Variants in ABL2 observed in about 807,000 individuals in gnomAD.
ABL2 encodes the protein ABL proto-oncogene 2, non-receptor tyrosine kinase, also known as tyrosine-protein kinase ABL2.
A neutral mutation model predicts 107.7 loss-of-function variants in ABL2; 49 were observed. The observed-to-expected ratio is 0.45, with a 90% confidence interval of 0.36 to 0.58. ABL2 has a LOEUF of 0.58. ABL2 is among the 20% of genes least tolerant of loss of function. The pLI, the probability that ABL2 is intolerant of heterozygous loss-of-function variation, is 0.00. For missense variants in ABL2, 1,245 were observed against 1,457.0 expected (o/e 0.85, Z 2.37); for synonymous variants, 549 against 548.6 (o/e 1.00, Z -0.01).
At position 179,109,027 on chromosome 1, in the gene ABL2, C is replaced by T. The variant is rs1446189705; in HGVS notation, c.2240G>A (p.Gly747Asp). The change falls in exon 12 of 12, where the codon GGC becomes GAC. Residue 747 changes from glycine (G) to aspartate (D), a missense_variant. Coordinates refer to ENST00000502732, the MANE Select transcript of ABL2 (RefSeq NM_007314.4). ...GSGTAGGGWS[G>D]ITGFFTPRLI... ...GCGTGGTGTAAAGAAGCCTGTGATGCCAGACCACCCACCCCCAGCAGTGCC... is the reference window on the plus strand; with the variant it reads ...GCGTGGTGTAAAGAAGCCTGTGATGTCAGACCACCCACCCCCAGCAGTGCC... 3.1e-6 allele frequency: 5 copies of T among 1,612,876 alleles called. No homozygotes were observed. Among genetic ancestry groups the T allele is most frequent in the Non-Finnish European group, 3.4e-6 (4 of 1,179,960 alleles).
At chr1:179,124,279 T>C (rs1252325584) in intron 4 of ABL2, among the ~76,000 whole-genome samples, 2 of 151,502 alleles carry the variant, frequency 1.3e-5, no homozygotes, top group African/African-American at 4.8e-5. Context: ...TTTTAGTGTA[T>C]AAAGTATCAA....
chr1:179,113,483 A>G (rs1323713697), intron 9 of ABL2, among the ~76,000 whole-genome samples: 1 of 152,248 alleles, frequency 6.6e-6, no homozygotes, highest in Non-Finnish European at 1.5e-5. Flanking sequence ...ATGAGGAAAC[A>G]ACACAGACTT....
chr1:179,108,162 T>C lies in ABL2; in HGVS notation c.3105A>G (p.Lys1035=), dbSNP rs1399111512. The change falls in exon 12 of 12, where the codon AAA becomes AAG. Residue 1035 remains lysine, a synonymous_variant. Coordinates refer to ENST00000502732, the MANE Select transcript of ABL2 (RefSeq NM_007314.4). The part of the protein sequence containing the change: ...AALGAVPISG[K]AGRPVMPPPQ... ...GTGGAGGCATCACTGGCCTCCCAGC[T>C]TTCCCACTGATGGGCACTGCGCCCA... 2 of 1,614,122 alleles carry C rather than the reference T, an allele frequency of 1.2e-6. No homozygotes were observed. Among genetic ancestry groups the C allele is most frequent in the Admixed American group, 1.7e-5 (1 of 60,014 alleles).
intron 1 of ABL2, among the ~76,000 whole-genome samples, chr1:179,141,653 T>C (rs774377603): frequency 5.9e-5 from 9 of 152,236 alleles, no homozygotes; most frequent in Admixed American, 1.3e-4. Context: ...CGTCTCTGGT[T>C]TTACGGTCTT....
At chr1:179,151,826 T>TCACAAACC (rs1427523215) in intron 1 of ABL2, among the ~76,000 whole-genome samples, 2 of 152,170 alleles carry the variant, frequency 1.3e-5, no homozygotes, top group Non-Finnish European at 2.9e-5. Context: ...CTTTGGAGGA[T>TCACAAACC]CACAAACCAT....
At chr1:179,130,535 T>A (rs1214454347) in intron 3 of ABL2, among the ~76,000 whole-genome samples, 1 of 152,212 alleles carries the variant, frequency 6.6e-6, no homozygotes, top group African/African-American at 2.4e-5. Context: ...CATTTTTGAG[T>A]AGCACTGGCC....
chr1:179,178,365 G>A (rs1174384489), intron 1 of ABL2, among the ~76,000 whole-genome samples: 1 of 133,070 alleles, frequency 7.5e-6, no homozygotes, highest in African/African-American at 2.7e-5. Flanking sequence ...TCCCGCCACT[G>A]CATTCCAGAC....
chr1:179,124,900 G>C (rs534348391), intron 4 of ABL2, among the ~76,000 whole-genome samples: 3 of 152,136 alleles, frequency 2.0e-5, no homozygotes, highest in Non-Finnish European at 4.4e-5. Context: ...ACCATTTCAT[G>C]GTTTTTAGCA....
At chr1:179,148,913 A>C (rs199902251) in intron 1 of ABL2, among the ~76,000 whole-genome samples, 4 of 94,186 alleles carry the variant, frequency 4.2e-5, no homozygotes, top group African/African-American at 1.1e-4. Context: ...AAAAAAAAAA[A>C]GGAAAAAAAA....
At chr1:179,153,511 C>T (rs1379822531) in intron 1 of ABL2, among the ~76,000 whole-genome samples, 1 of 152,182 alleles carries the variant, frequency 6.6e-6, no homozygotes, top group Non-Finnish European at 1.5e-5. Flanking sequence ...TGTAATCCAA[C>T]CCATCGTCAA....
intron 1 of ABL2, among the ~76,000 whole-genome samples, chr1:179,167,860 A>T (rs1659480794): frequency 6.6e-6 from 1 of 152,196 alleles, no homozygotes; most frequent in South Asian, 2.1e-4. Context: ...AGGCGCCAGT[A>T]ATCCCAGCTA....
At position 179,160,795 on chromosome 1, in the gene ABL2, T is replaced by G. The variant is rs563576699; in HGVS notation, c.158-27421A>C. Among the ~76,000 whole-genome samples, 2 of 152,324 alleles carry G rather than the reference T, an allele frequency of 1.3e-5. 1 individual carries two copies. The highest frequency in any genetic ancestry group is 3.8e-4 in the East Asian group (2 of 5,196). ...TGACATTTGGAGCCAAATAATTCTGTGTGGCGAGGCAGTGGGGGACATGAA... is the reference window on the plus strand; with the variant it reads ...TGACATTTGGAGCCAAATAATTCTGGGTGGCGAGGCAGTGGGGGACATGAA... On this transcript the variant is annotated intron_variant, in intron 1 of 11. Transcript: ENST00000502732.
At chr1:179,170,627 GCT>G (rs1557972002) in intron 1 of ABL2, among the ~76,000 whole-genome samples, 1 of 151,756 alleles carries the variant, frequency 6.6e-6, no homozygotes, top group Admixed American at 6.6e-5. Context: ...AGGGAGTCTC[GCT>G]CTGTCACCCA....
intron 3 of ABL2, among the ~76,000 whole-genome samples, chr1:179,129,047 T>C (rs1342730863): frequency 2.0e-5 from 3 of 152,310 alleles, no homozygotes; most frequent in East Asian, 3.9e-4. Context: ...ACTAAAGTGT[T>C]GCTTTATTTT....
chr1:179,152,123 T>C (rs1048610896), intron 1 of ABL2, among the ~76,000 whole-genome samples: 3 of 152,164 alleles, frequency 2.0e-5, no homozygotes, highest in Admixed American at 6.5e-5. Context: ...GGTAGGCTAA[T>C]AATTAACACT....
chr1:179,229,276 G>A lies in ABL2; in HGVS notation c.122C>T (p.Thr41Ile). The change falls in exon 1 of 12, where the codon ACC becomes ATC. Residue 41 changes from threonine to isoleucine, a missense_variant. This residue lies in a region of ABL2 where 164 missense variants were observed against 143.7 expected (regional missense o/e 1.14). Coordinates refer to ENST00000502732, the MANE Select transcript of ABL2 (RefSeq NM_007314.4). ...GAAGATATTGAAGCCGGTCTCTGTG[G>A]TGCGCCCCGCCGGGTCCCGCCTGCG... ...SGRRRDPAGR[T>I]TETGFNIFTQ... 5 of 1,564,762 alleles carry A rather than the reference G, an allele frequency of 3.2e-6. No individual in the cohort carries two copies. The highest frequency in any genetic ancestry group is 2.4e-5 in the East Asian group (1 of 41,586).
rs1571234044 is a variant in ABL2, at chr1:179,166,744, T to C, written c.158-33370A>G. Among the ~76,000 whole-genome samples, 2 of 133,022 alleles carry C rather than the reference T, an allele frequency of 1.5e-5. 1 individual carries two copies. Among genetic ancestry groups the C allele is most frequent in the South Asian group, 4.7e-4 (2 of 4,222 alleles). 87.3% of individuals were successfully genotyped at this position (133,022 alleles called of 152,430 possible). A position where few individuals can be genotyped will look rare whatever the true frequency, so the allele number is the denominator to read the frequency against. ...GGGAGCCGAGATCACATCGCTGCAC[T>C]CCAGCCTTGGTGACAGAACAAGACT... On this transcript the variant is annotated intron_variant, in intron 1 of 11. Transcript: ENST00000502732.
intron 1 of ABL2, among the ~76,000 whole-genome samples, chr1:179,155,913 C>G (rs908511238): frequency 6.6e-6 from 1 of 152,036 alleles, no homozygotes; most frequent in East Asian, 1.9e-4. Flanking sequence ...AAAGGATGAG[C>G]TGAACAAAAA....
At chr1:179,142,818 G>T (rs1657709875) in intron 1 of ABL2, 1 of 1,261,574 alleles carries the variant, frequency 7.9e-7, no homozygotes, top group Middle Eastern at 1.9e-4. Flanking sequence ...AACTTTCACT[G>T]ACCAAGAATG....
Sources: gnomAD v4.1 joint callset for allele counts (sites outside exome capture counted in the v4.1 genomes callset) on GRCh38, gnomAD v4.1.1 for gene constraint, gnomAD v4.1.1 regional missense constraint, MANE v1.5 for transcripts, NCBI Gene and HGNC (gene_info 2026-07-23, HGNC 2026-07-21) for gene names.